The following BTNL3 variants were observed in gnomAD, a reference collection of about 807,000 sequenced individuals.
BTNL3 encodes butyrophilin like 3.
BTNL3 carries 20 observed loss-of-function variants against 40.1 expected under a neutral mutation model. That is an observed-to-expected ratio of 0.50 (90% CI 0.35 to 0.72). The LOEUF (loss-of-function observed/expected upper bound fraction) is 0.72. Ranked by LOEUF, BTNL3 falls within the 30% of genes least tolerant of loss-of-function variation. The pLI, the probability that BTNL3 is intolerant of heterozygous loss-of-function variation, is 0.01. For synonymous variants in BTNL3, 179 were observed against 222.1 expected, an observed-to-expected ratio of 0.81 and a Z score of 1.73; for missense variants, 449 against 582.2, an observed-to-expected ratio of 0.77 and a Z score of 2.35.
chr5:180,996,212 C>A (rs1417475113), intron 2 of BTNL3, among the ~76,000 whole-genome samples: 2 of 136,594 alleles, frequency 1.5e-5, no homozygotes, highest in Non-Finnish European at 3.4e-5. Context: ...TCACAATAAA[C>A]CCTTCCTTGA....
At chr5:181,002,934 A>G in intron 4 of BTNL3, 149 bp downstream of exon 4, 1 of 1,008,294 alleles carries the variant, frequency 9.9e-7, no homozygotes, top group East Asian at 3.0e-5. Context: ...CCCAGTCTTC[A>G]GCCTCCTCTG....
chr5:180,998,733 A>G (rs1760066635), intron 3 of BTNL3, among the ~76,000 whole-genome samples: 1 of 138,034 alleles, frequency 7.2e-6, no homozygotes, highest in Non-Finnish European at 1.7e-5. Context: ...GAGAAATTGA[A>G]GAAAGCATAG....
rs1760034505 is a variant in BTNL3 at position 180,996,349 on chromosome 5, C to T, written c.398-864C>T. Among the ~76,000 whole-genome samples the T allele has an allele frequency of 1.5e-5, 2 of 135,792 alleles. 1 individual carries two copies. Among genetic ancestry groups the T allele is most frequent in the Non-Finnish European group, 3.4e-5 (2 of 59,498 alleles). The allele number at this position is 135,792 out of a possible 152,430, so 89.1% of individuals were successfully genotyped here. On this transcript the variant is annotated intron_variant, in intron 2 of 7. Coordinates refer to ENST00000342868, the MANE Select transcript of BTNL3 (RefSeq NM_197975.3). ...TCACTTCAGTAGTTGCATGGCGGGTCACTCTCCTCCGGAGTGTTCTCTATG... is the reference window on the plus strand; with the variant it reads ...TCACTTCAGTAGTTGCATGGCGGGTTACTCTCCTCCGGAGTGTTCTCTATG...
At position 181,005,334 on chromosome 5, in the gene BTNL3, T is replaced by C. The variant is rs1438693894; in HGVS notation, c.863T>C (p.Val288Ala). 1 of 1,610,654 alleles carries C rather than the reference T, an allele frequency of 6.2e-7. No individual in the cohort carries two copies. The highest frequency in any genetic ancestry group is 8.5e-7 in the Non-Finnish European group (1 of 1,178,756). Residue 288 changes from valine (V) to alanine (A), a missense_variant and splice_region_variant, in exon 8 of 8, where the codon GTG becomes GCG. Around this residue, in one of 2 missense-constraint regions of BTNL3, gnomAD observed 323 missense variants for 464.9 expected, o/e 0.69. Coordinates refer to ENST00000342868, the MANE Select transcript of BTNL3 (RefSeq NM_197975.3). ...TCCTCTCTCCCCCACCGCACCCCAGTGGAGGTGACTCTGGATCCAGAGACG... is the reference window on the plus strand; with the variant it reads ...TCCTCTCTCCCCCACCGCACCCCAGCGGAGGTGACTCTGGATCCAGAGACG... ...AELRDARKHA[V>A]EVTLDPETAH...
chr5:181,002,376 G>GTGTA (rs1410421884), intron 3 of BTNL3, among the ~76,000 whole-genome samples: 10 of 81,586 alleles, frequency 1.2e-4, no homozygotes, highest in East Asian at 3.8e-4. Context: ...ACGTGTGTGT[G>GTGTA]TATATATATA....
rs1193050325 is a variant in BTNL3, at chr5:180,997,300, A to C, written c.485A>C (p.Gln162Pro). 6.8e-7 allele frequency: 1 copy of C among 1,464,730 alleles called. No homozygotes were observed. Among genetic ancestry groups the C allele is most frequent in the East Asian group, 2.4e-5 (1 of 41,022 alleles). The allele number at this position is 1,464,730 out of a possible 1,614,324, so 90.7% of individuals were successfully genotyped here. A position where few individuals can be genotyped will look rare whatever the true frequency, so the allele number is the denominator to read the frequency against. The change falls in exon 3 of 8, where the codon CAG becomes CCG. Residue 162 changes from glutamine (Q) to proline (P), a missense_variant. By Grantham distance (76) the Gln-to-Pro change is moderately conservative. Transcript: ENST00000342868. ...TGCCTGTCCTCAGGCTGGTTCCCCCAGCCCACAGCCAAGTGGAAAGGTCCA... is the reference window on the plus strand; with the variant it reads ...TGCCTGTCCTCAGGCTGGTTCCCCCCGCCCACAGCCAAGTGGAAAGGTCCA... ...LLCLSSGWFP[Q>P]PTAKWKGPQG... is the part of the protein sequence containing the mutation.
Position 181,001,051 on chromosome 5 carries a change from ATTCT to A in BTNL3, c.674-1617_674-1614del, listed in dbSNP as rs1258602109. On this transcript the variant is annotated intron_variant, in intron 3 of 7. Transcript: ENST00000342868. ...AAAATTTAGAAAAATTTACAGACAA[ATTCT>A]TTCAACTCATAAAGGAATCCATCGT... Among the ~76,000 whole-genome samples, 2 of 136,032 alleles carry A rather than the reference ATTCT, an allele frequency of 1.5e-5. 1 individual carries two copies. Among genetic ancestry groups the A allele is most frequent in the Non-Finnish European group, 3.4e-5 (2 of 59,636 alleles). The allele number at this position is 136,032 out of a possible 152,430, so 89.2% of individuals were successfully genotyped here.
rs1404013522 is a variant in BTNL3, at chr5:181,005,975, G to A, written c.*103G>A. On this transcript the variant is annotated 3_prime_UTR_variant, in exon 8 of 8. Transcript: ENST00000342868. ...CCCCAGCTTCCTCTCCGGAGCCTGC[G>A]CACAGAGAGTCACGCCCCCCACTCT... The A allele has an allele frequency of 2.4e-5, 31 of 1,280,864 alleles. No homozygotes were observed. Among genetic ancestry groups the A allele is most frequent in the South Asian group, 1.1e-4 (7 of 63,304 alleles). The allele number at this position is 1,280,864 out of a possible 1,614,324, so 79.3% of individuals were successfully genotyped here. A position where few individuals can be genotyped will look rare whatever the true frequency, so the allele number is the denominator to read the frequency against.
rs552785646 is a variant in BTNL3 at position 180,989,224 on chromosome 5, C to A, written c.49+147C>A. The A allele has an allele frequency of 1.5e-4, 155 of 1,046,576 alleles. 17 individuals are homozygous for A. In the South Asian group the frequency reaches 2.3e-3, roughly 16 times the overall value. The allele number at this position is 1,046,576 out of a possible 1,614,324, so 64.8% of individuals were successfully genotyped here. ...CTCCTGGCCTCAGGCTGGAAACTAC[C>A]AATGCCAGGAGCTGTGGGAAGCACA... is the stretch of plus-strand genomic sequence containing the variant. On this transcript the variant is annotated intron_variant, in intron 1 of 7. Coordinates refer to ENST00000342868, the MANE Select transcript of BTNL3 (RefSeq NM_197975.3).
At chr5:180,991,086 C>T (rs1263238619) in intron 1 of BTNL3, among the ~76,000 whole-genome samples, 1 of 137,094 alleles carries the variant, frequency 7.3e-6, no homozygotes, top group Non-Finnish European at 1.7e-5. Flanking sequence ...GAGCTGTCAG[C>T]AGGCAGGCAA....
rs376553425 is a variant in BTNL3 at position 181,003,772 on chromosome 5, G to A, written c.788-84G>A. 1,338 of 1,609,774 alleles carry A rather than the reference G, an allele frequency of 8.3e-4. 2 individuals carry two copies. Among genetic ancestry groups the A allele is most frequent in the Non-Finnish European group, 1.1e-3 (1,259 of 1,177,312 alleles). On this transcript the variant is annotated intron_variant, in intron 4 of 7. Coordinates refer to ENST00000342868, the MANE Select transcript of BTNL3 (RefSeq NM_197975.3). ...GCCCTGCCCTTCACACCTGCAGCTC[G>A]TCCCACCTGTGCAAGGAGCCAGCGT... is the stretch of plus-strand genomic sequence containing the variant.
intron 2 of BTNL3, among the ~76,000 whole-genome samples, chr5:180,993,705 C>T (rs1190362729): frequency 7.3e-6 from 1 of 137,198 alleles, no homozygotes; most frequent in Non-Finnish European, 1.7e-5. Flanking sequence ...TTAAAAATAA[C>T]ATTGCCTTGA....
Position 180,992,949 on chromosome 5 carries a change from T to G in BTNL3, c.186T>G (p.Ala62=), listed in dbSNP as rs773503524. 206 of 1,462,960 alleles carry G rather than the reference T, an allele frequency of 1.4e-4. 46 individuals are homozygous for G. Among genetic ancestry groups the G allele is most frequent in the Non-Finnish European group, 1.9e-4 (199 of 1,058,822 alleles). 90.6% of individuals were successfully genotyped at this position (1,462,960 alleles called of 1,614,324 possible). The stretch of plus-strand genomic sequence containing the variant: ...GGTTCTTCAGGAATCAGTTCCATGC[T>G]GTGGTCCACCTCTACAGAGATGGGG... ...EVRFFRNQFH[A]VVHLYRDGED... Residue 62 remains alanine (A), a synonymous_variant, in exon 2 of 8, where the codon GCT becomes GCG. Transcript: ENST00000342868.
chr5:180,998,747 T>C (rs1386487954), intron 3 of BTNL3, among the ~76,000 whole-genome samples: 2 of 137,920 alleles, frequency 1.5e-5, no homozygotes, highest in Non-Finnish European at 3.3e-5. Context: ...AGCATAGTGA[T>C]AGGTAGAAAA....
intron 1 of BTNL3, among the ~76,000 whole-genome samples, chr5:180,991,372 A>G (rs1219572239): frequency 7.3e-6 from 1 of 137,654 alleles, no homozygotes; most frequent in Non-Finnish European, 1.7e-5. Flanking sequence ...CAGATACCAC[A>G]CACAGATATA....
At position 180,997,078 on chromosome 5, in the gene BTNL3, A is replaced by ATG. The variant is rs1420183355; in HGVS notation, c.398-124_398-123dup. ...GTGTGTAAGAGACAGAGAGAAAAGGATGTGTGTGTGTGAGAGAGAGAGAGA... is the reference window on the plus strand; with the variant it reads ...GTGTGTAAGAGACAGAGAGAAAAGGATGTGTGTGTGTGTGAGAGAGAGAGAGA... On this transcript the variant is annotated intron_variant, in intron 2 of 7. Transcript: ENST00000342868. The ATG allele has an allele frequency of 3.8e-5, 45 of 1,184,104 alleles. 1 individual carries two copies. Among genetic ancestry groups the ATG allele is most frequent in the Admixed American group, 6.8e-5 (3 of 44,104 alleles). The allele number at this position is 1,184,104 out of a possible 1,614,324, so 73.3% of individuals were successfully genotyped here.
intron 6 of BTNL3, 86 bp from the exon 7 acceptor site, chr5:181,004,650 G>C: frequency 6.2e-7 from 1 of 1,612,984 alleles, no homozygotes. Context: ...ACTCAAAAAG[G>C]GTCCCAATCC....
chr5:181,004,167 G>A (rs1211684907), intron 5 of BTNL3, among the ~76,000 whole-genome samples: 2 of 151,868 alleles, frequency 1.3e-5, no homozygotes, highest in Non-Finnish European at 2.9e-5. Flanking sequence ...CTCTGAGGGT[G>A]TCTGGGCCAC....
intron 7 of BTNL3, among the ~76,000 whole-genome samples, 190 bp downstream of exon 7, chr5:181,004,952 G>A (rs1760192507): frequency 6.6e-6 from 1 of 152,110 alleles, no homozygotes; most frequent in African/African-American, 2.4e-5. Flanking sequence ...CAGCTAGGAG[G>A]GGTCACAGGC....
Sources: gnomAD v4.1 joint callset for allele counts (sites outside exome capture counted in the v4.1 genomes callset) on GRCh38, gnomAD v4.1.1 for gene constraint, gnomAD v4.1.1 regional missense constraint, MANE v1.5 for transcripts, NCBI Gene and HGNC (gene_info 2026-07-23, HGNC 2026-07-21) for gene names.